The following FAM118B variants were observed in gnomAD, a reference collection of about 807,000 sequenced individuals.
FAM118B encodes the protein SIR2 antiphage like 1.
In FAM118B, 24 loss-of-function variants were observed where a neutral mutation model predicts 38.5. That is an observed-to-expected ratio of 0.62 (90% CI 0.45 to 0.88). The LOEUF (loss-of-function observed/expected upper bound fraction) is 0.88. Among genes scored for constraint, FAM118B ranks in the 40% least tolerant of loss-of-function variants. The pLI, the probability that FAM118B is intolerant of heterozygous loss-of-function variation, is 0.00. For missense variants in FAM118B, 334 were observed against 420.0 expected, an observed-to-expected ratio of 0.80 and a Z score of 1.79; for synonymous variants, 138 against 156.3, an observed-to-expected ratio of 0.88 and a Z score of 0.87.
At chr11:126,260,508 T>TA (rs1313145053) in intron 7 of FAM118B, 1 of 152,130 alleles carries the variant, frequency 6.6e-6, no homozygotes, top group East Asian at 1.9e-4. Context: ...GTAGGGGTGT[T>TA]ACAGTTTACC....
chr11:126,224,330 G>A (rs900907805), intron 1 of FAM118B, among the ~76,000 whole-genome samples: 2 of 151,910 alleles, frequency 1.3e-5, no homozygotes, highest in South Asian at 2.1e-4. Context: ...GAAATTAGCC[G>A]GGTATGGTGG....
chr11:126,222,112 A>G (rs1321388374), intron 1 of FAM118B, among the ~76,000 whole-genome samples: 4 of 152,202 alleles, frequency 2.6e-5, no homozygotes. Context: ...TCTAATGTGT[A>G]ATAGTCGTGT....
intron 4 of FAM118B, among the ~76,000 whole-genome samples, chr11:126,245,894 G>A (rs1950413026): frequency 6.6e-6 from 1 of 151,780 alleles, no homozygotes; most frequent in Non-Finnish European, 1.5e-5. Flanking sequence ...TACTGGGGAG[G>A]CTGAGGCAGG....
intron 3 of FAM118B, among the ~76,000 whole-genome samples, chr11:126,237,676 C>G (rs1216944559): frequency 2.1e-5 from 1 of 46,514 alleles, no homozygotes; most frequent in African/African-American, 8.8e-5. Context: ...AACCCTGTCT[C>G]TACTAAAAAA....
Position 126,262,509 on chromosome 11 carries a change from AG to A in FAM118B, c.*377del, listed in dbSNP as rs1256089164. On this transcript the variant is annotated 3_prime_UTR_variant, in exon 9 of 9. Coordinates refer to ENST00000533050, the MANE Select transcript of FAM118B (RefSeq NM_024556.4). ...ATGGAATCACTGTGGCTCTTGTTGC[AG>A]TTTTGTACTCTATACTTGGTTTTTC... 1 of 270,636 alleles carries A rather than the reference AG, an allele frequency of 3.7e-6. No individual in the cohort carries two copies. Among genetic ancestry groups the A allele is most frequent in the Non-Finnish European group, 6.9e-6 (1 of 144,260 alleles). The allele number at this position is 270,636 out of a possible 1,614,324, so 16.8% of individuals were successfully genotyped here. A position where few individuals can be genotyped will look rare whatever the true frequency, so the allele number is the denominator to read the frequency against.
chr11:126,232,703 CTT>C (rs1357840982), intron 2 of FAM118B, among the ~76,000 whole-genome samples: 2 of 150,892 alleles, frequency 1.3e-5, no homozygotes, highest in East Asian at 3.9e-4. Flanking sequence ...TTTTTTAAAA[CTT>C]AAAAAATATT....
intron 3 of FAM118B, among the ~76,000 whole-genome samples, chr11:126,237,821 C>T (rs1435440954): frequency 7.3e-6 from 1 of 136,614 alleles, no homozygotes; most frequent in African/African-American, 2.7e-5. Flanking sequence ...TGTGTCACTG[C>T]ACTCCAGCCT....
At chr11:126,212,766 C>T (rs547862) in intron 1 of FAM118B, among the ~76,000 whole-genome samples, 20,481 of 152,146 alleles carry the variant, frequency 0.13, 1,456 homozygotes, top group Non-Finnish European at 0.17. Context: ...GGAGCCGTAC[C>T]AACAAGAAAC....
chr11:126,226,162 C>G (rs1950139099), intron 1 of FAM118B, among the ~76,000 whole-genome samples: 1 of 128,016 alleles, frequency 7.8e-6, no homozygotes, highest in Non-Finnish European at 1.6e-5. Flanking sequence ...CAGAAAGGAA[C>G]GTGGCGCAAG....
At position 126,255,092 on chromosome 11, in the gene FAM118B, C is replaced by T. The variant is rs909490616; in HGVS notation, c.696+659C>T. Among the ~76,000 whole-genome samples, 1 of 152,140 alleles carries T rather than the reference C, an allele frequency of 6.6e-6. No individual in the cohort carries two copies. The highest frequency in any genetic ancestry group is 2.4e-5 in the African/African-American group (1 of 41,444). On this transcript the variant is annotated intron_variant, in intron 6 of 8. Transcript: ENST00000533050. The surrounding 1 kb of genome is among the most constrained non-coding windows in gnomAD (Gnocchi z 4.6). ...TAATTGAGGCAGCTTCTTAACAAAC[C>T]AACCACTACTAGAGAATACATTCTA...
In FAM118B at chr11:126,256,985, A is replaced by C. The variant is rs1007393609; in HGVS notation, c.982+133A>C. 1.1e-6 allele frequency: 1 copy of C among 900,326 alleles called. No homozygotes were observed. The highest frequency in any genetic ancestry group is 1.7e-5 in the African/African-American group (1 of 60,024). 55.8% of individuals were successfully genotyped at this position (900,326 alleles called of 1,614,324 possible). A position where few individuals can be genotyped will look rare whatever the true frequency, so the allele number is the denominator to read the frequency against. Reference sequence around the variant, plus strand: ...GACTGACCAAATTGTAAAGGAGGCCACAGTCTTCAGGTTAGACTAAAGTGC... The same window carrying C: ...GACTGACCAAATTGTAAAGGAGGCCCCAGTCTTCAGGTTAGACTAAAGTGC... On this transcript the variant is annotated intron_variant, in intron 7 of 8. Coordinates refer to ENST00000533050, the MANE Select transcript of FAM118B (RefSeq NM_024556.4). This position sits in a 1 kb window ranked among gnomAD's most constrained non-coding sequence, Gnocchi z 6.6.
chr11:126,239,972 A>G (rs1456486916), intron 3 of FAM118B, among the ~76,000 whole-genome samples: 1 of 152,194 alleles, frequency 6.6e-6, no homozygotes, highest in Admixed American at 6.5e-5. Context: ...TTTATTATTT[A>G]GACAAAAAGG....
chr11:126,218,014 A>G (rs1162544092), intron 1 of FAM118B, among the ~76,000 whole-genome samples: 2 of 152,118 alleles, frequency 1.3e-5, no homozygotes, highest in Non-Finnish European at 2.9e-5. Context: ...ACACCAGGGT[A>G]TGGGTCTTTT....
At chr11:126,225,807 C>G (rs1324713237) in intron 1 of FAM118B, among the ~76,000 whole-genome samples, 1 of 152,108 alleles carries the variant, frequency 6.6e-6, no homozygotes, top group Non-Finnish European at 1.5e-5. Flanking sequence ...TGGTGGAACC[C>G]TGTCTTTACT....
chr11:126,253,577 ATATCT>A lies in FAM118B; in HGVS notation c.568-722_568-718del, dbSNP rs1204121137. 2.0e-5 allele frequency among the ~76,000 whole-genome samples: 3 copies of A among 152,228 alleles called. No homozygotes were observed. Among genetic ancestry groups the A allele is most frequent in the Non-Finnish European group, 4.4e-5 (3 of 68,044 alleles). On this transcript the variant is annotated intron_variant, in intron 5 of 8. Coordinates refer to ENST00000533050, the MANE Select transcript of FAM118B (RefSeq NM_024556.4). The surrounding 1 kb of genome is among the most constrained non-coding windows in gnomAD (Gnocchi z 5.1). ...GAAACTTTGTGGCTTGTAACAACAA[ATATCT>A]TATCTGCCCATGATAAAGTATATTA... is the stretch of plus-strand genomic sequence containing the variant.
chr11:126,249,750 AAAAAG>A (rs1565337624), intron 4 of FAM118B, among the ~76,000 whole-genome samples: 1 of 117,884 alleles, frequency 8.5e-6, no homozygotes, highest in African/African-American at 3.2e-5. Flanking sequence ...AAAAAAAAAA[AAAAAG>A]AAAAAGAAAA....
At chr11:126,234,323 A>T (rs1275474054) in intron 2 of FAM118B, among the ~76,000 whole-genome samples, 1 of 152,204 alleles carries the variant, frequency 6.6e-6, no homozygotes, top group Non-Finnish European at 1.5e-5. Context: ...ATTCTAATCC[A>T]TGGTAATTAT....
chr11:126,211,739 G>T (rs903110022), upstream of FAM118B: 8 of 1,357,430 alleles, frequency 5.9e-6, no homozygotes, highest in Non-Finnish European at 6.0e-6. Flanking sequence ...GCGGGGTGGG[G>T]CCTGGGCGAG....
intron 1 of FAM118B, among the ~76,000 whole-genome samples, chr11:126,224,877 G>A (rs1950119188): frequency 6.6e-6 from 1 of 152,184 alleles, no homozygotes; most frequent in South Asian, 2.1e-4. Context: ...TGAATAATTA[G>A]GCAGAGATCT....
Sources: allele counts gnomAD v4.1 joint callset (sites outside exome capture counted in the v4.1 genomes callset), GRCh38; gene constraint gnomAD v4.1.1; non-coding constraint Gnocchi (gnomAD v3.1); transcripts MANE v1.5; gene names NCBI Gene and HGNC (gene_info 2026-07-23, HGNC 2026-07-21).